The following ERGIC3 variants were observed in gnomAD, a reference collection of about 807,000 sequenced individuals.
ERGIC3 encodes ERGIC and golgi 3.
A neutral mutation model predicts 54.7 loss-of-function variants in ERGIC3; 33 were observed. The ratio of observed to expected loss-of-function variants is 0.60; its 90% CI spans 0.46 to 0.81. The LOEUF (loss-of-function observed/expected upper bound fraction) is 0.81, where lower values mean the gene tolerates loss of function less well. ERGIC3 is among the 30% of genes least tolerant of loss of function. The pLI is 0.00. For synonymous variants in ERGIC3, 186 were observed against 189.8 expected (o/e 0.98, Z 0.16); for missense variants, 399 against 488.4 (o/e 0.82, Z 1.73).
chr20:35,557,547 G>GTGGT lies in ERGIC3; in HGVS notation c.*46_*49dup. The GTGGT allele has an allele frequency of 1.3e-6, 2 of 1,581,042 alleles. No individual in the cohort carries two copies. Among genetic ancestry groups the GTGGT allele is most frequent in the Non-Finnish European group, 1.7e-6 (2 of 1,150,952 alleles). ...TCTGTCTCCTCTTTCTCCCTGGCCT[G>GTGGT]TGGTTGTCCCCCAGCCTCTGCCACC... On this transcript the variant is annotated 3_prime_UTR_variant, in exon 13 of 13. Coordinates refer to ENST00000348547, the MANE Select transcript of ERGIC3 (RefSeq NM_015966.3).
At chr20:35,555,973 T>A (rs2064708996) in intron 8 of ERGIC3, 60 bp from the exon 9 acceptor site, 1 of 1,521,666 alleles carries the variant, frequency 6.6e-7, no homozygotes, top group Non-Finnish European at 9.1e-7. Flanking sequence ...CGGACCCAGG[T>A]GTCCCTGTCT....
At chr20:35,555,494 A>G (rs970208481) in intron 8 of ERGIC3, among the ~76,000 whole-genome samples, 1 of 152,188 alleles carries the variant, frequency 6.6e-6, no homozygotes, top group Non-Finnish European at 1.5e-5. Context: ...CGACATAATC[A>G]GATTTGCATT....
At position 35,548,580 on chromosome 20, in the gene ERGIC3, C is replaced by T; in HGVS notation, c.533C>T (p.Thr178Ile). 6.2e-7 allele frequency: 1 copy of T among 1,614,220 alleles called. No individual in the cohort carries two copies. Among genetic ancestry groups the T allele is most frequent in the East Asian group, 2.2e-5 (1 of 44,884 alleles). ...RRGWAFKNPD[T>I]IEQCRREGFS... Reference sequence around the variant, plus strand: ...GGCTGGGCCTTCAAGAACCCAGATACTATTGAGCAGTGCCGGCGAGAGGGC... The same window carrying T: ...GGCTGGGCCTTCAAGAACCCAGATATTATTGAGCAGTGCCGGCGAGAGGGC... Residue 178 changes from threonine to isoleucine, a missense_variant, in exon 6 of 13, where the codon ACT becomes ATT. By Grantham distance (89) the Thr-to-Ile change is moderately conservative. Coordinates refer to ENST00000348547, the MANE Select transcript of ERGIC3 (RefSeq NM_015966.3).
Position 35,556,336 on chromosome 20 carries a change from C to T in ERGIC3, c.879+65C>T, listed in dbSNP as rs224420. 4.6e-3 allele frequency: 7,127 copies of T among 1,557,730 alleles called. 24 individuals are homozygous for T. Among genetic ancestry groups the T allele is most frequent in the Non-Finnish European group, 5.4e-3 (6,132 of 1,129,646 alleles). On this transcript the variant is annotated intron_variant, in intron 10 of 12. Coordinates refer to ENST00000348547, the MANE Select transcript of ERGIC3 (RefSeq NM_015966.3). The stretch of plus-strand genomic sequence containing the variant: ...GCCAAGCACTGGAGTTCCTGCATTT[C>T]GTTCCGTCAGCCTGGGGAGTGAAAG...
intron 4 of ERGIC3, chr20:35,544,890 C>A (rs2064639731): frequency 7.0e-6 from 1 of 143,872 alleles, no homozygotes; most frequent in Non-Finnish European, 1.5e-5. Context: ...GCAACCTCTG[C>A]CTCCCGGCTT....
intron 4 of ERGIC3, chr20:35,544,089 T>C (rs2147302710): frequency 5.1e-6 from 1 of 197,510 alleles, no homozygotes; most frequent in Non-Finnish European, 1.0e-5. Context: ...GAGTCTCACT[T>C]TGTCGCCCAG....
chr20:35,548,389 C>A, intron 5 of ERGIC3, 120 bp from the exon 6 acceptor site: 1 of 1,045,432 alleles, frequency 9.6e-7, no homozygotes. Flanking sequence ...GTTTGGTGGT[C>A]AGGGATGAGG....
rs1302433108 is a variant in ERGIC3 at position 35,543,836 on chromosome 20, G to A, written c.367+895G>A. ...TTGGTGGGAGGGAGGAGTGGCTATTGGATATCCACTGCTGTGTAACAAAGT... is the reference window on the plus strand; with the variant it reads ...TTGGTGGGAGGGAGGAGTGGCTATTAGATATCCACTGCTGTGTAACAAAGT... On this transcript the variant is annotated intron_variant, in intron 4 of 12. Coordinates refer to ENST00000348547, the MANE Select transcript of ERGIC3 (RefSeq NM_015966.3). The A allele has an allele frequency of 7.3e-6, 3 of 412,288 alleles. No homozygotes were observed. The East Asian group carries it at 2.2e-4, about 30-fold the overall frequency. 25.5% of individuals were successfully genotyped at this position (412,288 alleles called of 1,614,324 possible). A position where few individuals can be genotyped will look rare whatever the true frequency, so the allele number is the denominator to read the frequency against.
At chr20:35,551,273 G>A (rs1022685889) in intron 7 of ERGIC3, among the ~76,000 whole-genome samples, 1 of 150,986 alleles carries the variant, frequency 6.6e-6, no homozygotes, top group Non-Finnish European at 1.5e-5. Flanking sequence ...CAGCCTGAGC[G>A]ACAGAGTGAG....
chr20:35,543,234 G>T (rs1328245713), intron 4 of ERGIC3: 2 of 377,890 alleles, frequency 5.3e-6, no homozygotes, highest in Non-Finnish European at 1.0e-5. Flanking sequence ...TCTTGCCTTG[G>T]TAGAACTGTC....
chr20:35,543,357 C>T (rs2064628213), intron 4 of ERGIC3: 2 of 335,288 alleles, frequency 6.0e-6, no homozygotes, highest in South Asian at 4.9e-5. Flanking sequence ...TTTAGGTTCT[C>T]AAGTCAGATT....
At chr20:35,546,116 A>G (rs571612865) in intron 4 of ERGIC3, among the ~76,000 whole-genome samples, 33 of 152,350 alleles carry the variant, frequency 2.2e-4, no homozygotes, top group Middle Eastern at 6.8e-3. Flanking sequence ...GAAGCTACTG[A>G]TAGTCCAGTA....
chr20:35,553,020 ATT>A (rs141438822), intron 7 of ERGIC3, among the ~76,000 whole-genome samples: 22 of 41,560 alleles, frequency 5.3e-4, no homozygotes, highest in Admixed American at 9.0e-4. Flanking sequence ...AAAGCTGGGG[ATT>A]TTTTTTTTTT....
chr20:35,542,191 C>A lies in ERGIC3; in HGVS notation c.88+6C>A. On this transcript the variant is annotated splice_donor_region_variant and intron_variant, in intron 1 of 12. Transcript: ENST00000348547. ...GACCTGCGGGGGCGCCACCGGTAGG[C>A]CGCAGCGGGGCCGGGGTCGCGTGGA... is the stretch of plus-strand genomic sequence containing the variant. 2 of 1,580,596 alleles carry A rather than the reference C, an allele frequency of 1.3e-6. No homozygotes were observed. Among genetic ancestry groups the A allele is most frequent in the Non-Finnish European group, 1.7e-6 (2 of 1,162,328 alleles).
intron 7 of ERGIC3, among the ~76,000 whole-genome samples, chr20:35,552,570 A>G (rs893781645): frequency 6.6e-6 from 1 of 152,192 alleles, no homozygotes; most frequent in African/African-American, 2.4e-5. Flanking sequence ...GAAAGGAGGA[A>G]AGACAGGATG....
rs1299481060 is a variant in ERGIC3 at position 35,557,000 on chromosome 20, A to G, written c.907A>G (p.Thr303Ala). Reference sequence around the variant, plus strand: ...ACTGAGGACAAATCAGTTCTCTGTGACCAGACATGAGAAGGTTGCCAATGG... The same window carrying G: ...ACTGAGGACAAATCAGTTCTCTGTGGCCAGACATGAGAAGGTTGCCAATGG... ...EVLRTNQFSV[T>A]RHEKVANGLL... The change falls in exon 11 of 13, where the codon ACC becomes GCC. Residue 303 changes from threonine to alanine, a missense_variant. Transcript: ENST00000348547. 1 of 1,614,224 alleles carries G rather than the reference A, an allele frequency of 6.2e-7. No homozygotes were observed. Among genetic ancestry groups the G allele is most frequent in the African/African-American group, 1.3e-5 (1 of 75,066 alleles).
chr20:35,546,823 T>C (rs2064651281), intron 4 of ERGIC3, among the ~76,000 whole-genome samples: 1 of 152,158 alleles, frequency 6.6e-6, no homozygotes, highest in Non-Finnish European at 1.5e-5. Flanking sequence ...TTATTGGCAG[T>C]GACAGGATCT....
intron 8 of ERGIC3, 32 bp from the exon 9 acceptor site, chr20:35,556,001 T>G (rs754952982): frequency 4.5e-5 from 73 of 1,606,386 alleles, no homozygotes; most frequent in Non-Finnish European, 6.0e-5. Context: ...TCATCAGAGC[T>G]TTGGATGAGC....
chr20:35,551,534 T>C (rs1354884886), intron 7 of ERGIC3, among the ~76,000 whole-genome samples: 1 of 152,130 alleles, frequency 6.6e-6, no homozygotes, highest in East Asian at 1.9e-4. Flanking sequence ...AGCATGTGTA[T>C]AGAGCTGTGG....
Sources: allele counts gnomAD v4.1 joint callset (sites outside exome capture counted in the v4.1 genomes callset), GRCh38; gene constraint gnomAD v4.1.1; transcripts MANE v1.5; gene names NCBI Gene and HGNC (gene_info 2026-07-23, HGNC 2026-07-21).